The following ZNF790 variants were observed in gnomAD, a reference collection of about 807,000 sequenced individuals.
The protein encoded by ZNF790 is zinc finger protein 790.
In ZNF790, 8 loss-of-function variants were observed where a neutral mutation model predicts 12.1. The ratio of observed to expected loss-of-function variants is 0.66; its 90% CI spans 0.39 to 1.19. ZNF790 has a LOEUF of 1.19. Ranked by LOEUF, ZNF790 falls within the 50% of genes most tolerant of loss-of-function variation. The probability of loss-of-function intolerance (pLI) is 0.01; values close to 1 mark genes in which losing one functional copy is unlikely to be tolerated. For synonymous variants in ZNF790, 252 were observed against 244.3 expected (o/e 1.03, Z -0.29); for missense variants, 707 against 752.2 (o/e 0.94, Z 0.70).
intron 1 of ZNF790, among the ~76,000 whole-genome samples, chr19:36,827,141 C>CACACACACATAT (rs1313807327): frequency 3.6e-5 from 3 of 84,442 alleles, no homozygotes; most frequent in African/African-American, 1.7e-4. Flanking sequence ...CACACACACA[C>CACACACACATAT]ATATATATAT....
chr19:36,829,529 C>T (rs961061993), intron 1 of ZNF790, among the ~76,000 whole-genome samples: 17 of 152,168 alleles, frequency 1.1e-4, no homozygotes, highest in African/African-American at 3.4e-4. Flanking sequence ...TCTACCCATT[C>T]GTCTATTAAT....
Position 36,847,307 on chromosome 19 carries a change from C to T in ZNF790, c.-74+2695G>A, listed in dbSNP as rs940162080. Among the ~76,000 whole-genome samples the T allele has an allele frequency of 4.0e-5, 6 of 151,752 alleles. No homozygotes were observed. In the South Asian group the frequency reaches 6.3e-4, roughly 16 times the overall value. On this transcript the variant is annotated intron_variant, in intron 1 of 4. Coordinates refer to the ZNF790 transcript ENST00000528994. ...CAGTGGTTGCAGTGAGCCGAGATTG[C>T]GCCACTGCACTCCAGCCTGGGCAAT...
intron 1 of ZNF790, among the ~76,000 whole-genome samples, chr19:36,830,281 A>G (rs2071921927): frequency 6.8e-6 from 1 of 147,770 alleles, no homozygotes; most frequent in Non-Finnish European, 1.5e-5. Context: ...CCTTATCTCT[A>G]TCTATTGAGA....
intron 1 of ZNF790, among the ~76,000 whole-genome samples, chr19:36,827,107 T>G (rs1339826869): frequency 2.1e-5 from 2 of 95,734 alleles, no homozygotes; most frequent in Admixed American, 1.1e-4. Flanking sequence ...TGTGTGTATA[T>G]ATATACACAT....
intron 1 of ZNF790, among the ~76,000 whole-genome samples, chr19:36,843,684 G>C (rs1471182538): frequency 6.6e-6 from 1 of 152,142 alleles, no homozygotes; most frequent in African/African-American, 2.4e-5. Flanking sequence ...AGCATGCCGA[G>C]ACAGGACTGT....
At chr19:36,822,177 TA>T (rs2146021139) in intron 4 of ZNF790, among the ~76,000 whole-genome samples, 1 of 152,220 alleles carries the variant, frequency 6.6e-6, no homozygotes, top group African/African-American at 2.4e-5. Flanking sequence ...AATGAACTAA[TA>T]AGGAGAACTA....
chr19:36,838,716 C>G (rs1466356663), upstream of ZNF790, among the ~76,000 whole-genome samples: 2 of 152,120 alleles, frequency 1.3e-5, no homozygotes, highest in African/African-American at 2.4e-5. This position sits in a 1 kb window ranked among gnomAD's most constrained non-coding sequence, Gnocchi z 4.4. Flanking sequence ...TTGGTCCCGA[C>G]GGCCCTGGGA....
At chr19:36,827,459 A>G (rs2146045938) in intron 1 of ZNF790, among the ~76,000 whole-genome samples, 1 of 152,030 alleles carries the variant, frequency 6.6e-6, no homozygotes, top group East Asian at 1.9e-4. Context: ...AAAAAGTTCA[A>G]CCTGTTTTTG....
intron 1 of ZNF790, among the ~76,000 whole-genome samples, chr19:36,830,927 C>G (rs1292648814): frequency 6.6e-6 from 1 of 152,180 alleles, no homozygotes; most frequent in African/African-American, 2.4e-5. Flanking sequence ...ATCACGAGGT[C>G]AGGAGATCGA....
chr19:36,828,888 A>G (rs926386179), intron 1 of ZNF790, among the ~76,000 whole-genome samples: 1 of 152,228 alleles, frequency 6.6e-6, no homozygotes, highest in Admixed American at 6.5e-5. Flanking sequence ...ACAGATTCCA[A>G]ATTATTTGGA....
chr19:36,842,741 C>T (rs1227562), upstream of ZNF790, among the ~76,000 whole-genome samples: 3 of 151,092 alleles, frequency 2.0e-5, no homozygotes, highest in African/African-American at 7.3e-5. Context: ...CGCGGTGGCT[C>T]ATGCCTGTAA....
chr19:36,829,104 AT>A (rs556219733), intron 1 of ZNF790, among the ~76,000 whole-genome samples: 35 of 150,528 alleles, frequency 2.3e-4, no homozygotes, highest in African/African-American at 5.8e-4. Context: ...CATTGGTTGT[AT>A]TTTTTTTTTA....
At chr19:36,826,504 AC>A (rs2071802256) in intron 1 of ZNF790, among the ~76,000 whole-genome samples, 1 of 150,784 alleles carries the variant, frequency 6.6e-6, no homozygotes, top group Non-Finnish European at 1.5e-5. Context: ...AATCGCTTGA[AC>A]CCAGGAGTTG....
intron 1 of ZNF790, chr19:36,828,170 A>G (rs977302829): frequency 6.6e-6 from 1 of 152,208 alleles, no homozygotes; most frequent in African/African-American, 2.4e-5. Flanking sequence ...CTTTTAAATA[A>G]AACTTTTTTT....
In ZNF790 at chr19:36,818,357, TCCTC is replaced by T. The variant is rs1477443782; in HGVS notation, c.*72_*75del. 7.9e-6 allele frequency: 11 copies of T among 1,391,290 alleles called. 1 individual carries two copies. In the Middle Eastern group the frequency reaches 6.5e-4, roughly 82 times the overall value. The allele number at this position is 1,391,290 out of a possible 1,614,324, so 86.2% of individuals were successfully genotyped here. ...CCAATATTACTTACATTTGTGGTGT[TCCTC>T]AAGAGAAAAAAATAAATGACATCAA... On this transcript the variant is annotated 3_prime_UTR_variant, in exon 5 of 5. Transcript: ENST00000356725.
In ZNF790 at chr19:36,819,386, T is replaced by C; in HGVS notation, c.958A>G (p.Ser320Gly). Residue 320 changes from serine to glycine, a missense_variant, in exon 5 of 5, where the codon AGT (serine) becomes GGT (glycine). Ser to Gly is a moderately conservative substitution (Grantham distance 56). Transcript: ENST00000356725. ...TGTTTAATAAGATGTGATCGCTGAC[T>C]AAAGGCCTTTCTACATTCATTACAT... is the stretch of plus-strand genomic sequence containing the variant. ...YECNECRKAF[S>G]QRSHLIKHQR... 6.2e-7 allele frequency: 1 copy of C among 1,613,160 alleles called. No individual in the cohort carries two copies. The highest frequency in any genetic ancestry group is 1.1e-5 in the South Asian group (1 of 91,044).
chr19:36,820,237 C>T, intron 4 of ZNF790, 123 bp from the exon 5 acceptor site: 1 of 980,866 alleles, frequency 1.0e-6, no homozygotes, highest in Non-Finnish European at 1.4e-6. Context: ...AGAAAATTCT[C>T]AAATATGAGC....
chr19:36,823,842 T>C (rs532414637), intron 2 of ZNF790, 52 bp from the exon 3 acceptor site: 123 of 1,523,862 alleles, frequency 8.1e-5, no homozygotes, highest in Non-Finnish European at 1.0e-4. Flanking sequence ...TAAAAATAAT[T>C]ATAATCCCTA....
At position 36,819,101 on chromosome 19, in the gene ZNF790, T is replaced by C. The variant is rs1398006071; in HGVS notation, c.1243A>G (p.Ile415Val). The C allele has an allele frequency of 6.2e-7, 1 of 1,613,512 alleles. No homozygotes were observed. The highest frequency in any genetic ancestry group is 8.5e-7 in the Non-Finnish European group (1 of 1,179,750). Residue 415 changes from isoleucine (I) to valine (V), a missense_variant, in exon 5 of 5, where the codon ATT becomes GTT. By Grantham distance (29) the Ile-to-Val change is conservative (BLOSUM62 3). Coordinates refer to ENST00000356725, the MANE Select transcript of ZNF790 (RefSeq NM_206894.4). ...WSSHLARHQR[I>V]HTGRKPYECK... ...TCATAAGGTTTCCTGCCAGTATGAATTCGCTGATGTCGAGCAAGGTGTGAG... is the reference window on the plus strand; with the variant it reads ...TCATAAGGTTTCCTGCCAGTATGAACTCGCTGATGTCGAGCAAGGTGTGAG...
Sources: gnomAD v4.1 joint callset for allele counts (sites outside exome capture counted in the v4.1 genomes callset) on GRCh38, gnomAD v4.1.1 for gene constraint, Gnocchi (gnomAD v3.1) non-coding constraint, MANE v1.5 for transcripts, NCBI Gene and HGNC (gene_info 2026-07-23, HGNC 2026-07-21) for gene names.